GRID2: variants seen among roughly 807,000 people sequenced by gnomAD.
GRID2 encodes the protein glutamate receptor ionotropic, delta-2.
In GRID2, 33 loss-of-function variants were observed where a neutral mutation model predicts 114.8. The ratio of observed to expected loss-of-function variants is 0.29; its 90% CI spans 0.22 to 0.38. GRID2 has a LOEUF of 0.38. Among genes scored for constraint, GRID2 ranks in the 10% least tolerant of loss-of-function variants. GRID2 has a pLI of 1.00. For missense variants in GRID2, 1,184 were observed against 1,257.7 expected (o/e 0.94, Z 0.89); for synonymous variants, 505 against 449.9 (o/e 1.12, Z -1.55).
In GRID2 at chr4:93,269,202, GC is replaced by G. The variant is rs368802693; in HGVS notation, c.1245+30713del. ...TAATGCAGTGATTCTTAATCTTTTTGCACATTAAAATCACCTGGGAAGCTGT... is the reference window on the plus strand; with the variant it reads ...TAATGCAGTGATTCTTAATCTTTTTGACATTAAAATCACCTGGGAAGCTGT... On this transcript the variant is annotated intron_variant, in intron 8 of 15. Coordinates refer to ENST00000282020, the MANE Select transcript of GRID2 (RefSeq NM_001510.4). Among the ~76,000 whole-genome samples the G allele has an allele frequency of 3.6e-3, 546 of 152,126 alleles. 4 individuals are homozygous for G. Among genetic ancestry groups the G allele is most frequent in the African/African-American group, 0.013 (525 of 41,508 alleles).
intron 1 of GRID2, among the ~76,000 whole-genome samples, chr4:92,569,998 A>G (rs926452339): frequency 1.3e-5 from 2 of 151,942 alleles, no homozygotes; most frequent in African/African-American, 2.4e-5. Context: ...CTTTTGTTGC[A>G]TAACTTTTGA....
At chr4:93,515,725 C>A (rs933463239) in intron 13 of GRID2, among the ~76,000 whole-genome samples, 4 of 152,078 alleles carry the variant, frequency 2.6e-5, no homozygotes, top group Non-Finnish European at 5.9e-5. Context: ...AAATCCCATT[C>A]CAAATATCAT....
At chr4:92,481,549 G>A (rs1579441077) in intron 1 of GRID2, among the ~76,000 whole-genome samples, 1 of 151,952 alleles carries the variant, frequency 6.6e-6, no homozygotes, top group East Asian at 1.9e-4. Flanking sequence ...TTTTTATTCT[G>A]TTCCATTCGT....
chr4:93,672,376 C>T (rs116287026), intron 14 of GRID2, among the ~76,000 whole-genome samples: 4 of 152,264 alleles, frequency 2.6e-5, no homozygotes, highest in Non-Finnish European at 5.9e-5. Flanking sequence ...CAGCATGTCA[C>T]GTGCATGTGG....
chr4:93,580,189 A>G (rs909801967), intron 13 of GRID2, among the ~76,000 whole-genome samples: 2 of 152,198 alleles, frequency 1.3e-5, no homozygotes, highest in Non-Finnish European at 1.5e-5. Context: ...AAGTGCTGCC[A>G]GCATTTGCTC....
intron 1 of GRID2, among the ~76,000 whole-genome samples, chr4:92,396,307 A>C (rs2110270577): frequency 6.6e-6 from 1 of 152,098 alleles, no homozygotes; most frequent in East Asian, 1.9e-4. Flanking sequence ...AGTGCATTAT[A>C]TTTTAAGAAA....
At chr4:93,712,166 G>A (rs1728543889) in intron 14 of GRID2, among the ~76,000 whole-genome samples, 1 of 151,882 alleles carries the variant, frequency 6.6e-6, no homozygotes, top group Non-Finnish European at 1.5e-5. Flanking sequence ...TATTGAATTT[G>A]CCAATCTTTT....
At chr4:92,682,323 A>T (rs1733687382) in intron 2 of GRID2, among the ~76,000 whole-genome samples, 1 of 152,096 alleles carries the variant, frequency 6.6e-6, no homozygotes, top group South Asian at 2.1e-4. Flanking sequence ...ATGAGTCCCA[A>T]AGTGCAAGTG....
At chr4:93,685,093 G>A (rs1578567240) in intron 14 of GRID2, among the ~76,000 whole-genome samples, 1 of 151,892 alleles carries the variant, frequency 6.6e-6, no homozygotes, top group Admixed American at 6.6e-5. Context: ...AGGAAAAAAA[G>A]GCAAAATGCC....
rs962751231 is a variant in GRID2, at chr4:92,445,803, C to G, written c.88+141059C>G. ...TTGAATAATCTTACCTTGGTTAGTG[C>G]GTAATTCTAAACTTTTTCCAATTAA... is the stretch of plus-strand genomic sequence containing the variant. On this transcript the variant is annotated intron_variant, in intron 1 of 15. Transcript: ENST00000282020. Among the ~76,000 whole-genome samples, 3 of 152,132 alleles carry G rather than the reference C, an allele frequency of 2.0e-5. No individual in the cohort carries two copies. The South Asian group carries it at 6.2e-4, about 32-fold the overall frequency.
intron 8 of GRID2, among the ~76,000 whole-genome samples, chr4:93,270,422 T>C (rs139563374): frequency 3.3e-4 from 51 of 152,260 alleles, no homozygotes; most frequent in African/African-American, 1.1e-3. Context: ...TATTCTCAAA[T>C]GTCCTTACAT....
At chr4:93,150,505 C>T (rs1306594006) in intron 4 of GRID2, among the ~76,000 whole-genome samples, 1 of 152,090 alleles carries the variant, frequency 6.6e-6, no homozygotes, top group African/African-American at 2.4e-5. Context: ...TAAGTGCTCA[C>T]TGTGCCCCCA....
intron 2 of GRID2, among the ~76,000 whole-genome samples, chr4:92,758,717 A>C (rs1384763524): frequency 6.6e-6 from 1 of 152,282 alleles, no homozygotes; most frequent in Middle Eastern, 3.4e-3. Flanking sequence ...TGCTTGATAA[A>C]TAGCATCTTC....
chr4:93,329,585 G>A (rs1758216464), intron 8 of GRID2, among the ~76,000 whole-genome samples: 2 of 152,070 alleles, frequency 1.3e-5, no homozygotes, highest in South Asian at 4.1e-4. Flanking sequence ...CTAATAAAGA[G>A]ATGACTCTGT....
intron 1 of GRID2, among the ~76,000 whole-genome samples, chr4:93,805,450 C>T (rs921542765): frequency 3.3e-5 from 5 of 152,170 alleles, no homozygotes; most frequent in African/African-American, 1.2e-4. Context: ...GAGCTGATTT[C>T]TACACTTAGT....
At chr4:92,741,153 T>C (rs560333690) in intron 2 of GRID2, among the ~76,000 whole-genome samples, 6 of 152,296 alleles carry the variant, frequency 3.9e-5, no homozygotes, top group African/African-American at 1.4e-4. Context: ...ACTTTGGATA[T>C]AGTAAATATC....
At chr4:93,654,477 T>C (rs1288507477) in intron 14 of GRID2, among the ~76,000 whole-genome samples, 1 of 152,182 alleles carries the variant, frequency 6.6e-6, no homozygotes. Flanking sequence ...ACTTGCAATA[T>C]TTCAAAGTCA....
At chr4:92,713,476 C>CAT (rs10593127) in intron 2 of GRID2, among the ~76,000 whole-genome samples, 8,143 of 53,168 alleles carry the variant, frequency 0.15, 529 homozygotes, top group Non-Finnish European at 0.19. Context: ...TATACATATA[C>CAT]ATATATATAT....
At chr4:93,273,762 G>A (rs1254735395) in intron 8 of GRID2, among the ~76,000 whole-genome samples, 1 of 152,154 alleles carries the variant, frequency 6.6e-6, no homozygotes. Flanking sequence ...AAATGTGGAT[G>A]CCTTTACAAG....
Sources: allele counts gnomAD v4.1 joint callset (sites outside exome capture counted in the v4.1 genomes callset), GRCh38; gene constraint gnomAD v4.1.1; transcripts MANE v1.5; gene names NCBI Gene and HGNC (gene_info 2026-07-23, HGNC 2026-07-21).